Variants in RHD observed in about 807,000 individuals in gnomAD.
The protein encoded by RHD is blood group Rh(D) polypeptide.
RHD carries 16 observed loss-of-function variants against 45.5 expected under a neutral mutation model. The ratio of observed to expected loss-of-function variants is 0.35; its 90% CI spans 0.24 to 0.53. RHD has a LOEUF of 0.53. RHD is among the 20% of genes least tolerant of loss of function. The probability of loss-of-function intolerance (pLI) is 0.92; values close to 1 mark genes in which losing one functional copy is unlikely to be tolerated. For missense variants in RHD, 306 were observed against 532.0 expected, an observed-to-expected ratio of 0.58 and a Z score of 4.18; for synonymous variants, 131 against 217.5, an observed-to-expected ratio of 0.60 and a Z score of 3.50.
chr1:25,289,985 C>T (rs1642350623), intron 2 of RHD, among the ~76,000 whole-genome samples: 1 of 128,806 alleles, frequency 7.8e-6, no homozygotes, highest in African/African-American at 2.7e-5. Context: ...CTAGACACAC[C>T]GATAGGAAGA....
intron 2 of RHD, among the ~76,000 whole-genome samples, chr1:25,288,734 C>T (rs1449909142): frequency 7.9e-6 from 1 of 126,458 alleles, no homozygotes; most frequent in African/African-American, 2.7e-5. Flanking sequence ...CCTGAGAGCA[C>T]GCTCCTAACC....
At chr1:25,304,879 C>T (rs1643675749) in intron 6 of RHD, 1 of 131,948 alleles carries the variant, frequency 7.6e-6, no homozygotes, top group Non-Finnish European at 1.8e-5. Context: ...TCATCAGTCT[C>T]AGCGCCCATC....
chr1:25,281,213 G>A (rs143238283), intron 1 of RHD, among the ~76,000 whole-genome samples: 6,549 of 130,994 alleles, frequency 0.05, 1,127 homozygotes, highest in African/African-American at 0.16. Flanking sequence ...TTGGGGCCTG[G>A]TAGTTAGTTC....
chr1:25,296,243 C>CTTTTTT (rs894411494), intron 3 of RHD, among the ~76,000 whole-genome samples: 1 of 115,384 alleles, frequency 8.7e-6, no homozygotes, highest in Admixed American at 8.4e-5. Context: ...GTGTACATTT[C>CTTTTTT]TTTTTTTTTT....
In RHD at chr1:25,320,343, T is replaced by A. The variant is rs185050457; in HGVS notation, c.1154-1546T>A. Among the ~76,000 whole-genome samples, 357 of 131,924 alleles carry A rather than the reference T, an allele frequency of 2.7e-3. 87 individuals carry two copies. Among genetic ancestry groups the A allele is most frequent in the South Asian group, 5.9e-3 (25 of 4,262 alleles). The allele number at this position is 131,924 out of a possible 152,430, so 86.5% of individuals were successfully genotyped here. On this transcript the variant is annotated intron_variant, in intron 8 of 9. Coordinates refer to ENST00000328664, the MANE Select transcript of RHD (RefSeq NM_016124.6). ...TCCTAGTGATGGTTCTGATTTTTTT[T>A]AAAAAAAGTCTAAATATGTTTAATG...
intron 1 of RHD, among the ~76,000 whole-genome samples, chr1:25,275,194 G>A (rs1335495361): frequency 7.6e-6 from 1 of 131,882 alleles, no homozygotes; most frequent in African/African-American, 2.6e-5. Flanking sequence ...GGAAGCTGAG[G>A]GAGGAGAATT....
chr1:25,321,282 G>A (rs954154366), intron 8 of RHD, among the ~76,000 whole-genome samples: 3 of 124,258 alleles, frequency 2.4e-5, no homozygotes, highest in African/African-American at 8.1e-5. Context: ...ACTCCATCTG[G>A]GGAAGGGCGT....
At chr1:25,300,723 C>T (rs1278241496) in intron 3 of RHD, among the ~76,000 whole-genome samples, 3 of 131,506 alleles carry the variant, frequency 2.3e-5, no homozygotes, top group African/African-American at 7.9e-5. Context: ...GCAGGAGAAT[C>T]GCGTGAACCT....
chr1:25,303,569 A>C, intron 6 of RHD, 110 bp downstream of exon 6: 1 of 1,121,150 alleles, frequency 8.9e-7, no homozygotes, highest in Non-Finnish European at 1.3e-6. Context: ...GTGTCGGCGC[A>C]TTCTCTTATT....
chr1:25,284,447 G>C, intron 1 of RHD, 126 bp from the exon 2 acceptor site: 2 of 955,734 alleles, frequency 2.1e-6, no homozygotes, highest in Non-Finnish European at 3.3e-6. Context: ...AAAGTAACTT[G>C]ACCAAATACT....
chr1:25,308,964 C>T (rs374258180), intron 7 of RHD, among the ~76,000 whole-genome samples: 5 of 131,534 alleles, frequency 3.8e-5, no homozygotes, highest in East Asian at 1.9e-4. Flanking sequence ...GATTTAGCAA[C>T]AGAACATAGC....
Position 25,314,218 on chromosome 1 carries a change from C to T in RHD, c.1074-2782C>T, listed in dbSNP as rs1441547848. Among the ~76,000 whole-genome samples, 2 of 132,896 alleles carry T rather than the reference C, an allele frequency of 1.5e-5. 1 individual carries two copies. Among genetic ancestry groups the T allele is most frequent in the Non-Finnish European group, 3.6e-5 (2 of 56,110 alleles). The allele number at this position is 132,896 out of a possible 152,430, so 87.2% of individuals were successfully genotyped here. A position where few individuals can be genotyped will look rare whatever the true frequency, so the allele number is the denominator to read the frequency against. On this transcript the variant is annotated intron_variant, in intron 7 of 9. Transcript: ENST00000328664. The stretch of plus-strand genomic sequence containing the variant: ...AATCACCAGTAGTGTATAGAAGCTC[C>T]TTTTACTCCACATTTTGCCAACACT...
At chr1:25,286,138 T>C (rs1641965785) in intron 2 of RHD, among the ~76,000 whole-genome samples, 1 of 135,148 alleles carries the variant, frequency 7.4e-6, no homozygotes. Context: ...TGAAACACAG[T>C]CTAGCCAGCT....
At chr1:25,280,902 G>A (rs1407439083) in intron 1 of RHD, among the ~76,000 whole-genome samples, 1 of 132,472 alleles carries the variant, frequency 7.5e-6, no homozygotes, top group Non-Finnish European at 1.8e-5. Flanking sequence ...GATTACAGGT[G>A]TGAGCCACCA....
rs1310941310 is a variant in RHD at position 25,277,921 on chromosome 1, G to A, written c.148+5226G>A. The stretch of plus-strand genomic sequence containing the variant: ...ACTCCCAACCTCAGGTGATGCACCC[G>A]CCTTGGCCTCCCAAAGTGCTGGGAT... On this transcript the variant is annotated intron_variant, in intron 1 of 9. Coordinates refer to ENST00000328664, the MANE Select transcript of RHD (RefSeq NM_016124.6). Among the ~76,000 whole-genome samples the A allele has an allele frequency of 2.3e-5, 3 of 133,120 alleles. 1 individual carries two copies. The highest frequency in any genetic ancestry group is 7.3e-5 in the Admixed American group (1 of 13,742). The allele number at this position is 133,120 out of a possible 152,430, so 87.3% of individuals were successfully genotyped here. A position where few individuals can be genotyped will look rare whatever the true frequency, so the allele number is the denominator to read the frequency against.
Position 25,279,037 on chromosome 1 carries a change from G to T in RHD, c.149-5536G>T, listed in dbSNP as rs1194455666. ...GAAGTTTCTGCAGGCCAGAAGGAGG[G>T]GCAAGAGTGGGAGGGGGCGCAGATC... On this transcript the variant is annotated intron_variant, in intron 1 of 9. Coordinates refer to ENST00000328664, the MANE Select transcript of RHD (RefSeq NM_016124.6). 2.3e-5 allele frequency among the ~76,000 whole-genome samples: 3 copies of T among 129,902 alleles called. 1 individual carries two copies. Among genetic ancestry groups the T allele is most frequent in the Non-Finnish European group, 3.6e-5 (2 of 55,188 alleles). 85.2% of individuals were successfully genotyped at this position (129,902 alleles called of 152,430 possible). A position where few individuals can be genotyped will look rare whatever the true frequency, so the allele number is the denominator to read the frequency against.
At chr1:25,315,841 C>T (rs1365754937) in intron 7 of RHD, among the ~76,000 whole-genome samples, 1 of 130,710 alleles carries the variant, frequency 7.7e-6, no homozygotes, top group African/African-American at 2.6e-5. Flanking sequence ...TAATTCTCTC[C>T]ACTCTCCTAT....
intron 7 of RHD, among the ~76,000 whole-genome samples, chr1:25,314,229 C>T (rs1462655873): frequency 1.5e-5 from 2 of 132,978 alleles, no homozygotes; most frequent in Admixed American, 1.5e-4. Context: ...TTTTACTCCA[C>T]ATTTTGCCAA....
rs145885278 is a variant in RHD at position 25,305,871 on chromosome 1, G to A, written c.940-725G>A. Among the ~76,000 whole-genome samples the A allele has an allele frequency of 5.8e-3, 759 of 131,250 alleles. 107 individuals are homozygous for A. Among genetic ancestry groups the A allele is most frequent in the African/African-American group, 0.019 (708 of 38,088 alleles). The allele number at this position is 131,250 out of a possible 152,430, so 86.1% of individuals were successfully genotyped here. ...CCCATGTCGGCCTCCCAAAGTGCTG[G>A]GATTACAGGCATGAGCCACCGTGCC... On this transcript the variant is annotated intron_variant, in intron 6 of 9. Transcript: ENST00000328664.
Sources: gnomAD v4.1 joint callset for allele counts (sites outside exome capture counted in the v4.1 genomes callset) on GRCh38, gnomAD v4.1.1 for gene constraint, MANE v1.5 for transcripts, NCBI Gene and HGNC (gene_info 2026-07-23, HGNC 2026-07-21) for gene names.